Variants in SNX29 observed in about 807,000 individuals in gnomAD.
The protein encoded by SNX29 is sorting nexin-29.
In SNX29, 78 loss-of-function variants were observed where a neutral mutation model predicts 102.1. The ratio of observed to expected loss-of-function variants is 0.76; its 90% confidence interval spans 0.64 to 0.92. SNX29 has a LOEUF of 0.92. SNX29 is among the 40% of genes least tolerant of loss of function. The pLI is 0.00. For synonymous variants in SNX29, 580 were observed against 414.5 expected (o/e 1.40, Z -4.85); for missense variants, 1,280 against 1,061.7 (o/e 1.21, Z -2.86).
intron 18 of SNX29, among the ~76,000 whole-genome samples, chr16:12,461,622 T>A (rs1379114269): frequency 3.3e-5 from 5 of 152,186 alleles, no homozygotes; most frequent in African/African-American, 9.6e-5. Flanking sequence ...AAGCATCGCG[T>A]CTTCCAAGAG....
chr16:12,207,942 T>C (rs746537921), intron 14 of SNX29, among the ~76,000 whole-genome samples: 2 of 152,158 alleles, frequency 1.3e-5, no homozygotes, highest in Non-Finnish European at 2.9e-5. Flanking sequence ...TTTTCTTCTT[T>C]TATTAATCAA....
Position 12,524,752 on chromosome 16 carries a change from C to T in SNX29, c.2229C>T (p.Arg743=), listed in dbSNP as rs779111215. ...ERRKQLQNYL[R]SVMNKVIQMV... ...GAAAGCAGCTCCAGAATTACCTGCG[C>T]AGCGTCATGAACAAAGTCATCCAGA... The change falls in exon 20 of 21, where the codon CGC becomes CGT. Residue 743 remains arginine, a synonymous_variant. Coordinates refer to ENST00000566228, the MANE Select transcript of SNX29 (RefSeq NM_032167.5). The T allele has an allele frequency of 1.2e-5, 20 of 1,613,782 alleles. No individual in the cohort carries two copies. The highest frequency in any genetic ancestry group is 1.6e-5 in the Non-Finnish European group (19 of 1,179,842).
intron 10 of SNX29, among the ~76,000 whole-genome samples, chr16:12,075,238 C>G (rs2051495001): frequency 6.6e-6 from 1 of 152,212 alleles, no homozygotes; most frequent in Admixed American, 6.5e-5. Flanking sequence ...AGGAGAGGTG[C>G]TCTGCTTTTT....
Position 12,572,869 on chromosome 16 carries a change from A to G in SNX29, c.*4240A>G, listed in dbSNP as rs528001166. 1 of 1,062,816 alleles carries G rather than the reference A, an allele frequency of 9.4e-7. No individual in the cohort carries two copies. Among genetic ancestry groups the G allele is most frequent in the Non-Finnish European group, 1.1e-6 (1 of 877,404 alleles). The allele number at this position is 1,062,816 out of a possible 1,614,324, so 65.8% of individuals were successfully genotyped here. A position where few individuals can be genotyped will look rare whatever the true frequency, so the allele number is the denominator to read the frequency against. On this transcript the variant is annotated 3_prime_UTR_variant, in exon 21 of 21. Transcript: ENST00000566228. ...CCAGGTTTCAGCCCTAAAGGTAATG[A>G]TTGTCTTGACTCTGCCTTGGCATTT...
At chr16:12,208,015 G>C (rs1259565960) in intron 14 of SNX29, among the ~76,000 whole-genome samples, 3 of 152,206 alleles carry the variant, frequency 2.0e-5, no homozygotes, top group Non-Finnish European at 4.4e-5. Context: ...TTTCAGGAAT[G>C]ATTTCAGAGT....
intron 15 of SNX29, among the ~76,000 whole-genome samples, chr16:12,317,321 G>C (rs2080781834): frequency 6.6e-6 from 1 of 152,148 alleles, no homozygotes; most frequent in Admixed American, 6.5e-5. Flanking sequence ...TGAACAGGTG[G>C]CTCCCCTCGT....
At chr16:12,164,395 T>A (rs911681047) in intron 13 of SNX29, among the ~76,000 whole-genome samples, 4 of 152,164 alleles carry the variant, frequency 2.6e-5, no homozygotes, top group African/African-American at 9.7e-5. Flanking sequence ...GTAATAAGGA[T>A]TTATAAGATG....
At chr16:12,502,800 C>T (rs566142958) in intron 19 of SNX29, among the ~76,000 whole-genome samples, 1 of 152,252 alleles carries the variant, frequency 6.6e-6, no homozygotes, top group Non-Finnish European at 1.5e-5. Flanking sequence ...AAAGCAATCA[C>T]AGGTATTTTC....
intron 14 of SNX29, among the ~76,000 whole-genome samples, chr16:12,241,962 G>A (rs1183654750): frequency 1.3e-5 from 2 of 152,092 alleles, no homozygotes; most frequent in South Asian, 2.1e-4. Flanking sequence ...CTGGGGTTGC[G>A]CCGACTCCAG....
At chr16:12,538,000 A>G (rs1160607621) in intron 20 of SNX29, among the ~76,000 whole-genome samples, 2 of 149,774 alleles carry the variant, frequency 1.3e-5, no homozygotes, top group Non-Finnish European at 3.0e-5. Context: ...AAAAAAAAAA[A>G]AAATTGTCTG....
chr16:12,560,385 G>C (rs1214489754), intron 20 of SNX29, among the ~76,000 whole-genome samples: 1 of 152,144 alleles, frequency 6.6e-6, no homozygotes, highest in East Asian at 1.9e-4. Flanking sequence ...TCAGTATTTT[G>C]AGTTCTTTAA....
At chr16:12,052,273 G>C in intron 8 of SNX29, 51 bp downstream of exon 8, 1 of 1,600,854 alleles carries the variant, frequency 6.2e-7, no homozygotes. Context: ...CTGGAGTGCC[G>C]TGGCGTGATC....
intron 13 of SNX29, among the ~76,000 whole-genome samples, chr16:12,165,038 A>G (rs1289785099): frequency 6.6e-6 from 1 of 152,098 alleles, no homozygotes; most frequent in East Asian, 1.9e-4. Flanking sequence ...TTGAATTTGC[A>G]TTTGCCATCA....
chr16:12,380,377 C>CACCCACCCACCCCCCCATCATCT (rs2083034229), intron 16 of SNX29, among the ~76,000 whole-genome samples: 2 of 60,418 alleles, frequency 3.3e-5, no homozygotes, highest in Non-Finnish European at 6.9e-5. Flanking sequence ...TCCACTTATC[C>CACCCACCCACCCCCCCATCATCT]ACCCACCCAC....
intron 15 of SNX29, among the ~76,000 whole-genome samples, chr16:12,295,385 C>G (rs966311519): frequency 2.6e-5 from 4 of 152,254 alleles, no homozygotes; most frequent in Non-Finnish European, 5.9e-5. Flanking sequence ...AACCCAAGGA[C>G]TTTTTCTTGC....
intron 20 of SNX29, among the ~76,000 whole-genome samples, chr16:12,548,003 G>A (rs1318822576): frequency 6.6e-6 from 1 of 152,088 alleles, no homozygotes; most frequent in Non-Finnish European, 1.5e-5. Flanking sequence ...AGTGAACGTG[G>A]CATCCTGGAC....
intron 16 of SNX29, among the ~76,000 whole-genome samples, chr16:12,380,687 TCCAC>T (rs2083066683): frequency 1.4e-4 from 3 of 20,814 alleles, no homozygotes; most frequent in Non-Finnish European, 1.2e-4. Flanking sequence ...CCATCCACCA[TCCAC>T]CCATCCACCC....
chr16:12,434,381 G>T (rs2151640755), intron 18 of SNX29, among the ~76,000 whole-genome samples: 1 of 152,250 alleles, frequency 6.6e-6, no homozygotes, highest in African/African-American at 2.4e-5. Flanking sequence ...CTGGGGACAG[G>T]CCTGTACCCT....
intron 19 of SNX29, among the ~76,000 whole-genome samples, chr16:12,511,184 A>AT (rs375661306): frequency 9.9e-5 from 15 of 152,212 alleles, no homozygotes; most frequent in African/African-American, 3.6e-4. Context: ...GGACTAGTTC[A>AT]TTTTTTTATT....
Sources: gnomAD v4.1 joint callset for allele counts (sites outside exome capture counted in the v4.1 genomes callset) on GRCh38, gnomAD v4.1.1 for gene constraint, MANE v1.5 for transcripts, NCBI Gene and HGNC (gene_info 2026-07-23, HGNC 2026-07-21) for gene names.